UGT1A7: variants seen among roughly 807,000 people sequenced by gnomAD.
UGT1A7 encodes the protein UDP glucuronosyltransferase family 1 member A7, also known as UDP-glucuronosyltransferase 1A7.
In UGT1A7, 33 loss-of-function variants were observed where a neutral mutation model predicts 45.6. That is an observed-to-expected ratio of 0.72 (90% CI 0.55 to 0.97). UGT1A7 has a LOEUF of 0.97. Ranked by LOEUF, UGT1A7 falls within the 50% of genes least tolerant of loss-of-function variation. UGT1A7 has a pLI of 0.00. For missense variants in UGT1A7, 684 were observed against 666.2 expected, an observed-to-expected ratio of 1.03 and a Z score of -0.29; for synonymous variants, 274 against 250.6, an observed-to-expected ratio of 1.09 and a Z score of -0.88.
rs1215950110 is a variant in UGT1A7 at position 233,682,618 on chromosome 2, C to G, written c.681C>G (p.Val227=). The change falls in exon 1 of 5, where the codon GTC becomes GTG. Residue 227 remains valine, a synonymous_variant. Coordinates refer to ENST00000373426, the MANE Select transcript of UGT1A7 (RefSeq NM_019077.3). ...HLFCPYFFKN[V]LEIASEILQT... ...TTTGCCCCTATTTTTTCAAAAATGT[C>G]TTAGAAATAGCCTCTGAAATTCTCC... The G allele has an allele frequency of 2.5e-6, 4 of 1,613,770 alleles. No individual in the cohort carries two copies. The highest frequency in any genetic ancestry group is 3.4e-6 in the Non-Finnish European group (4 of 1,179,830).
chr2:233,719,308 A>C, intron 1 of UGT1A7: 1 of 1,613,974 alleles, frequency 6.2e-7, no homozygotes, highest in Non-Finnish European at 8.5e-7. Context: ...GTGCTGGCTA[A>C]GTACCTGTCG....
At chr2:233,757,625 G>T (rs550855781) in intron 1 of UGT1A7, among the ~76,000 whole-genome samples, 1 of 148,046 alleles carries the variant, frequency 6.8e-6, no homozygotes, top group East Asian at 2.0e-4. Context: ...AAAGATACAA[G>T]GCAGAACAGA....
chr2:233,708,133 G>A (rs2076005675), intron 1 of UGT1A7, among the ~76,000 whole-genome samples: 1 of 152,218 alleles, frequency 6.6e-6, no homozygotes, highest in African/African-American at 2.4e-5. Context: ...CTGTGCTCCT[G>A]TGTGGGAGTT....
At chr2:233,724,376 G>A (rs1373227000) in intron 1 of UGT1A7, among the ~76,000 whole-genome samples, 85 of 127,694 alleles carry the variant, frequency 6.7e-4, no homozygotes, top group East Asian at 1.3e-3. Flanking sequence ...GGTGGCTGCC[G>A]GGCGGAGACG....
chr2:233,727,329 TC>T (rs2077605729), intron 1 of UGT1A7, among the ~76,000 whole-genome samples: 1 of 152,014 alleles, frequency 6.6e-6, no homozygotes, highest in Non-Finnish European at 1.5e-5. Context: ...CACCAGGAGC[TC>T]CTCCCTCCCC....
chr2:233,753,396 G>C (rs1209022223), intron 1 of UGT1A7: 4 of 152,212 alleles, frequency 2.6e-5, no homozygotes, highest in South Asian at 2.1e-4. Context: ...GAGGGTACTA[G>C]AGCATATCCA....
intron 1 of UGT1A7, chr2:233,718,132 G>GTGGTCGCCGT: frequency 4.2e-6 from 1 of 238,638 alleles, no homozygotes; most frequent in Non-Finnish European, 8.7e-6. Flanking sequence ...GGTGTAGATG[G>GTGGTCGCCGT]AGAATCCTCA....
intron 1 of UGT1A7, among the ~76,000 whole-genome samples, chr2:233,725,047 C>G (rs528406821): frequency 6.8e-6 from 1 of 147,932 alleles, no homozygotes; most frequent in Non-Finnish European, 1.5e-5. Context: ...ACCAGTCAGG[C>G]GTGGCGGCGC....
intron 1 of UGT1A7, among the ~76,000 whole-genome samples, chr2:233,748,582 G>T (rs1210700498): frequency 4.6e-5 from 7 of 151,806 alleles, no homozygotes; most frequent in Non-Finnish European, 1.0e-4. Flanking sequence ...TAAAGAGGTT[G>T]ACTCAGTTCA....
chr2:233,738,758 A>C (rs1324483464), intron 1 of UGT1A7, among the ~76,000 whole-genome samples: 1 of 152,234 alleles, frequency 6.6e-6, no homozygotes, highest in Non-Finnish European at 1.5e-5. Flanking sequence ...AGAAAAGAAA[A>C]ACCCATTTTA....
At chr2:233,729,634 G>C in intron 1 of UGT1A7, 1 of 1,613,874 alleles carries the variant, frequency 6.2e-7, no homozygotes, top group African/African-American at 1.3e-5. Context: ...GATTCCTACT[G>C]TGTTTTTTTT....
At chr2:233,718,862 A>T (rs62191899) in intron 1 of UGT1A7, 1 of 1,613,832 alleles carries the variant, frequency 6.2e-7, no homozygotes, top group Non-Finnish European at 8.5e-7. Flanking sequence ...GGCTGGCCAC[A>T]GGACTGCTGC....
chr2:233,749,787 A>C (rs1694273187), intron 1 of UGT1A7, among the ~76,000 whole-genome samples: 1 of 151,760 alleles, frequency 6.6e-6, no homozygotes, highest in African/African-American at 2.4e-5. Context: ...ATAAGGGGCC[A>C]TTGTCCCTTC....
Position 233,682,600 on chromosome 2 carries a change from C to A in UGT1A7, c.663C>A (p.Pro221=). The stretch of plus-strand genomic sequence containing the variant: ...ACTTGGAGGAACATTTATTTTGCCC[C>A]TATTTTTTCAAAAATGTCTTAGAAA... ...IMHLEEHLFC[P]YFFKNVLEIA... Residue 221 remains proline, a synonymous_variant, in exon 1 of 5, where the codon CCC becomes CCA. Coordinates refer to ENST00000373426, the MANE Select transcript of UGT1A7 (RefSeq NM_019077.3). 1.2e-6 allele frequency: 2 copies of A among 1,613,880 alleles called. No homozygotes were observed. The highest frequency in any genetic ancestry group is 1.7e-6 in the Non-Finnish European group (2 of 1,179,838).
intron 1 of UGT1A7, chr2:233,713,437 T>G: frequency 6.2e-7 from 1 of 1,614,192 alleles, no homozygotes; most frequent in Non-Finnish European, 8.5e-7. Flanking sequence ...TTTGATGTGG[T>G]TCTAACAGAC....
intron 1 of UGT1A7, chr2:233,743,535 C>T: frequency 7.3e-7 from 1 of 1,367,194 alleles, no homozygotes; most frequent in Non-Finnish European, 9.8e-7. Flanking sequence ...CCCAGCAGTT[C>T]CTCTGACCCC....
At chr2:233,693,802 G>A (rs761878719) in intron 1 of UGT1A7, 25 of 1,613,988 alleles carry the variant, frequency 1.5e-5, no homozygotes, top group Admixed American at 1.0e-4. Context: ...ATCCTAGGCC[G>A]GTCATGCCCA....
At chr2:233,735,004 G>A (rs1486345884) in intron 1 of UGT1A7, among the ~76,000 whole-genome samples, 1 of 152,208 alleles carries the variant, frequency 6.6e-6, no homozygotes, top group Non-Finnish European at 1.5e-5. Flanking sequence ...ACTTAGGGTG[G>A]AGAGTTCTGT....
chr2:233,717,785 A>G (rs559619766), intron 1 of UGT1A7: 1 of 456,340 alleles, frequency 2.2e-6, no homozygotes, highest in South Asian at 1.5e-5. Flanking sequence ...CCATTTTGAA[A>G]TTTGAAGTAG....
Sources: allele counts gnomAD v4.1 joint callset (sites outside exome capture counted in the v4.1 genomes callset), GRCh38; gene constraint gnomAD v4.1.1; transcripts MANE v1.5; gene names NCBI Gene and HGNC (gene_info 2026-07-23, HGNC 2026-07-21).